The following ZNF521 variants were observed in gnomAD, a reference collection of about 807,000 sequenced individuals.
The protein encoded by ZNF521 is LYST-interacting protein 3.
In ZNF521, 14 loss-of-function variants were observed where a neutral mutation model predicts 105.5. That is an observed-to-expected ratio of 0.13 (90% confidence interval 0.09 to 0.21). The LOEUF (loss-of-function observed/expected upper bound fraction) is 0.21. ZNF521 is among the 10% of genes least tolerant of loss of function. The pLI, the probability that ZNF521 is intolerant of heterozygous loss-of-function variation, is 1.00. For missense variants in ZNF521, 1,233 were observed against 1,629.7 expected, an observed-to-expected ratio of 0.76 and a Z score of 4.19; for synonymous variants, 635 against 606.0, an observed-to-expected ratio of 1.05 and a Z score of -0.70.
chr18:25,176,423 C>T (rs2035535953), intron 5 of ZNF521, among the ~76,000 whole-genome samples: 2 of 152,178 alleles, frequency 1.3e-5, no homozygotes, highest in South Asian at 4.1e-4. Flanking sequence ...TTCGTCGGGT[C>T]TCATAATGAG....
chr18:25,304,752 T>C (rs565051076), intron 3 of ZNF521, among the ~76,000 whole-genome samples: 26 of 152,172 alleles, frequency 1.7e-4, no homozygotes, highest in Non-Finnish European at 3.5e-4. Flanking sequence ...CTGTGAACAT[T>C]TGCCACTCCC....
At chr18:25,114,560 G>A (rs2034266004) in intron 5 of ZNF521, among the ~76,000 whole-genome samples, 1 of 152,170 alleles carries the variant, frequency 6.6e-6, no homozygotes, top group African/African-American at 2.4e-5. Flanking sequence ...CACTCAGGAA[G>A]TACACTTGTC....
chr18:25,345,025 T>C (rs1914401143), intron 2 of ZNF521, among the ~76,000 whole-genome samples: 1 of 152,216 alleles, frequency 6.6e-6, no homozygotes, highest in Non-Finnish European at 1.5e-5. Context: ...TGCTTTTACA[T>C]CAAAATGAAA....
intron 2 of ZNF521, among the ~76,000 whole-genome samples, chr18:25,326,567 C>T (rs1466661544): frequency 2.0e-5 from 3 of 152,150 alleles, no homozygotes; most frequent in Non-Finnish European, 4.4e-5. Context: ...CTATAAAAAG[C>T]ACATTTAATG....
At chr18:25,151,489 G>A (rs935039198) in intron 5 of ZNF521, among the ~76,000 whole-genome samples, 1 of 152,182 alleles carries the variant, frequency 6.6e-6, no homozygotes, top group Non-Finnish European at 1.5e-5. Flanking sequence ...GATATGTTGA[G>A]TGAATAAATG....
intron 5 of ZNF521, among the ~76,000 whole-genome samples, chr18:25,148,206 C>T (rs1002968662): frequency 1.3e-5 from 2 of 152,174 alleles, no homozygotes; most frequent in Non-Finnish European, 2.9e-5. Flanking sequence ...GGATTAAACA[C>T]TTGATTCAAT....
intron 3 of ZNF521, among the ~76,000 whole-genome samples, chr18:25,258,092 C>A (rs1230751874): frequency 6.6e-6 from 1 of 152,104 alleles, no homozygotes; most frequent in African/African-American, 2.4e-5. Flanking sequence ...AAAGACAATT[C>A]TATACTACAT....
At chr18:25,341,083 A>C (rs1312526858) in intron 2 of ZNF521, among the ~76,000 whole-genome samples, 1 of 152,166 alleles carries the variant, frequency 6.6e-6, no homozygotes, top group East Asian at 1.9e-4. Context: ...CAGTGCTCAC[A>C]TCTTTGAACA....
At chr18:25,277,748 A>C in intron 3 of ZNF521, among the ~76,000 whole-genome samples, 1 of 152,242 alleles carries the variant, frequency 6.6e-6, no homozygotes, top group East Asian at 1.9e-4. Flanking sequence ...AACATTACTA[A>C]AGCCACAATT....
intron 3 of ZNF521, among the ~76,000 whole-genome samples, chr18:25,304,887 G>T (rs8089661): frequency 6.6e-6 from 1 of 152,114 alleles, no homozygotes; most frequent in African/African-American, 2.4e-5. Context: ...ATGTGTTTAC[G>T]CTTGCCTTAA....
intron 4 of ZNF521, among the ~76,000 whole-genome samples, chr18:25,218,396 C>T (rs145081304): frequency 3.2e-4 from 48 of 150,314 alleles, no homozygotes; most frequent in African/African-American, 1.1e-3. Context: ...CAGTGACTCA[C>T]GCCTGTAATC....
In ZNF521 at chr18:25,144,522, T is replaced by C. The variant is rs151094899; in HGVS notation, c.3658+50638A>G. Among the ~76,000 whole-genome samples, 28 of 152,272 alleles carry C rather than the reference T, an allele frequency of 1.8e-4. No individual in the cohort carries two copies. The East Asian group carries it at 4.0e-3, about 22-fold the overall frequency. Reference sequence around the variant, plus strand: ...ATCTTTATCAAGAAAAGTAGAAATATATAAACTGGATACATATACATGGAT... The same window carrying C: ...ATCTTTATCAAGAAAAGTAGAAATACATAAACTGGATACATATACATGGAT... On this transcript the variant is annotated intron_variant, in intron 5 of 7. Transcript: ENST00000361524.
chr18:25,283,922 T>G (rs78066209), intron 3 of ZNF521, among the ~76,000 whole-genome samples: 35 of 97,122 alleles, frequency 3.6e-4, no homozygotes, highest in African/African-American at 1.2e-3. Flanking sequence ...GCCAATACTT[T>G]CCCCCCCCCC....
intron 4 of ZNF521, among the ~76,000 whole-genome samples, chr18:25,215,165 C>T (rs1285125531): frequency 1.3e-5 from 2 of 151,900 alleles, no homozygotes; most frequent in Non-Finnish European, 2.9e-5. Context: ...ATAGGAATTC[C>T]TATTTCAGAA....
At chr18:25,182,083 TAGA>T (rs1313654077) in intron 5 of ZNF521, among the ~76,000 whole-genome samples, 2 of 152,178 alleles carry the variant, frequency 1.3e-5, no homozygotes, top group Admixed American at 6.5e-5. Context: ...TGCATTCAAT[TAGA>T]AGAAGGACAT....
Position 25,160,507 on chromosome 18 carries a change from G to GCA in ZNF521, c.3658+34651_3658+34652dup, listed in dbSNP as rs141449812. Among the ~76,000 whole-genome samples, 187 of 151,692 alleles carry GCA rather than the reference G, an allele frequency of 1.2e-3. 1 individual carries two copies. The highest frequency in any genetic ancestry group is 3.9e-3 in the African/African-American group (163 of 41,388). ...TCATACATGGACACACTGCACTTATGCACACACACACACACATTACACATA... is the reference window on the plus strand; with the variant it reads ...TCATACATGGACACACTGCACTTATGCACACACACACACACACATTACACATA... On this transcript the variant is annotated intron_variant, in intron 5 of 7. Transcript: ENST00000361524.
chr18:25,171,465 G>A (rs1279138020), intron 5 of ZNF521, among the ~76,000 whole-genome samples: 7 of 152,090 alleles, frequency 4.6e-5, no homozygotes, highest in East Asian at 1.9e-4. Context: ...AGTAATGATC[G>A]TTAGTCTTAA....
chr18:25,254,929 T>C (rs1487479313), intron 3 of ZNF521, among the ~76,000 whole-genome samples: 1 of 152,142 alleles, frequency 6.6e-6, no homozygotes, highest in Non-Finnish European at 1.5e-5. Flanking sequence ...GTAAATGTTA[T>C]GCAAACTTAT....
chr18:25,298,357 T>G (rs915278535), intron 3 of ZNF521, among the ~76,000 whole-genome samples: 8 of 152,352 alleles, frequency 5.3e-5, no homozygotes, highest in African/African-American at 1.9e-4. Context: ...CTACCTGTAT[T>G]TCGGCATGTG....
Sources: gnomAD v4.1 joint callset for allele counts (sites outside exome capture counted in the v4.1 genomes callset) on GRCh38, gnomAD v4.1.1 for gene constraint, MANE v1.5 for transcripts, NCBI Gene and HGNC (gene_info 2026-07-23, HGNC 2026-07-21) for gene names.